Variants in RERE observed in about 807,000 individuals in gnomAD.
RERE encodes arginine-glutamic acid dipeptide repeats, also known as arginine-glutamic acid dipeptide repeats protein.
A neutral mutation model predicts 146.1 loss-of-function variants in RERE; 40 were observed. The observed-to-expected ratio is 0.27, with a 90% CI of 0.21 to 0.36. The LOEUF (loss-of-function observed/expected upper bound fraction) is 0.36, where lower values mean the gene tolerates loss of function less well. Among genes scored for constraint, RERE ranks in the 10% least tolerant of loss-of-function variants. RERE has a pLI of 1.00. For synonymous variants in RERE, 1,003 were observed against 866.0 expected, an observed-to-expected ratio of 1.16 and a Z score of -2.78; for missense variants, 1,933 against 2,138.7, an observed-to-expected ratio of 0.90 and a Z score of 1.90.
chr1:8,444,022 G>A (rs1644286655), intron 11 of RERE, among the ~76,000 whole-genome samples: 1 of 152,230 alleles, frequency 6.6e-6, no homozygotes, highest in Non-Finnish European at 1.5e-5. Flanking sequence ...TCCCCACTGG[G>A]GCACCACCTA....
chr1:8,505,429 T>C (rs1235642896), intron 8 of RERE, among the ~76,000 whole-genome samples: 1 of 152,056 alleles, frequency 6.6e-6, no homozygotes, highest in Non-Finnish European at 1.5e-5. Context: ...ATAAATGAAA[T>C]GGGTTTGACT....
At chr1:8,648,824 A>G (rs865824732) in intron 2 of RERE, among the ~76,000 whole-genome samples, 3 of 152,250 alleles carry the variant, frequency 2.0e-5, no homozygotes, top group African/African-American at 7.2e-5. Flanking sequence ...AAGTAGAAGG[A>G]ACACATATTC....
At chr1:8,667,439 G>T (rs1638602141) in intron 1 of RERE, among the ~76,000 whole-genome samples, 1 of 152,316 alleles carries the variant, frequency 6.6e-6, no homozygotes, top group South Asian at 2.1e-4. Flanking sequence ...TGTTCGGGGG[G>T]CCGAGGCAGG....
chr1:8,713,506 G>A (rs1471149597), intron 1 of RERE, among the ~76,000 whole-genome samples: 1 of 152,098 alleles, frequency 6.6e-6, no homozygotes, highest in Admixed American at 6.5e-5. Flanking sequence ...GGCTGAGGTG[G>A]GCGGATCACC....
Position 8,498,732 on chromosome 1 carries a change from TACAC to T in RERE, c.880-1207_880-1204del, listed in dbSNP as rs1553175300. 7.7e-3 allele frequency among the ~76,000 whole-genome samples: 834 copies of T among 107,800 alleles called. 10 individuals carry two copies. Among genetic ancestry groups the T allele is most frequent in the Admixed American group, 0.013 (120 of 8,932 alleles). The allele number at this position is 107,800 out of a possible 152,430, so 70.7% of individuals were successfully genotyped here. A position where few individuals can be genotyped will look rare whatever the true frequency, so the allele number is the denominator to read the frequency against. The stretch of plus-strand genomic sequence containing the variant: ...AAATAAAAAAAAAAAAATAAATATA[TACAC>T]ACACACACACACACACACACACACA... On this transcript the variant is annotated intron_variant, in intron 8 of 22. Transcript: ENST00000400908.
intron 2 of RERE, among the ~76,000 whole-genome samples, chr1:8,632,281 G>A (rs921381475): frequency 5.3e-5 from 8 of 152,120 alleles, no homozygotes; most frequent in Non-Finnish European, 1.2e-4. Context: ...CAAATTGCTC[G>A]TCTGATCTTC....
At chr1:8,484,275 T>C (rs1248767910) in intron 10 of RERE, among the ~76,000 whole-genome samples, 4 of 152,190 alleles carry the variant, frequency 2.6e-5, no homozygotes, top group Non-Finnish European at 4.4e-5. Flanking sequence ...ACAAATTATA[T>C]GTCAGCTGCA....
chr1:8,492,910 A>T (rs1644996832), intron 10 of RERE, among the ~76,000 whole-genome samples: 1 of 152,006 alleles, frequency 6.6e-6, no homozygotes, highest in Admixed American at 6.6e-5. Flanking sequence ...ATGGTCTCAA[A>T]AACAAAAATT....
At chr1:8,631,705 C>A (rs1647037465) in intron 2 of RERE, among the ~76,000 whole-genome samples, 1 of 152,154 alleles carries the variant, frequency 6.6e-6, no homozygotes, top group South Asian at 2.1e-4. Flanking sequence ...TTGGTTGAGT[C>A]CCTATCATGA....
chr1:8,680,744 C>T (rs553166960), intron 1 of RERE, among the ~76,000 whole-genome samples: 2 of 152,262 alleles, frequency 1.3e-5, no homozygotes, highest in East Asian at 3.9e-4. Flanking sequence ...AATTGTACCT[C>T]CTCAACTCCG....
chr1:8,764,297 T>C (rs187922147), intron 1 of RERE, among the ~76,000 whole-genome samples: 36 of 152,182 alleles, frequency 2.4e-4, no homozygotes, highest in Non-Finnish European at 4.1e-4. Flanking sequence ...TCGCTCTCTA[T>C]AGGATCCCAG....
At chr1:8,735,954 T>C (rs1160016674) in intron 1 of RERE, among the ~76,000 whole-genome samples, 2 of 152,218 alleles carry the variant, frequency 1.3e-5, no homozygotes, top group South Asian at 2.1e-4. Flanking sequence ...CAGACTATTA[T>C]ATTTACCATA....
At chr1:8,493,204 C>A (rs1645000560) in intron 10 of RERE, among the ~76,000 whole-genome samples, 1 of 152,188 alleles carries the variant, frequency 6.6e-6, no homozygotes. Flanking sequence ...CCTACCACAG[C>A]CTCTACTGGG....
At chr1:8,387,699 A>G (rs866293349) in intron 12 of RERE, among the ~76,000 whole-genome samples, 14 of 152,366 alleles carry the variant, frequency 9.2e-5, no homozygotes, top group Middle Eastern at 3.4e-3. Flanking sequence ...GATGCTCAAT[A>G]TGACTGGAAA....
intron 1 of RERE, among the ~76,000 whole-genome samples, chr1:8,746,356 G>A (rs746600324): frequency 7.2e-5 from 11 of 152,040 alleles, no homozygotes; most frequent in Non-Finnish European, 1.3e-4. Context: ...ATCCAGGGTT[G>A]CTCACCATAC....
At chr1:8,467,164 ATGGAG>A (rs1299716576) in intron 10 of RERE, among the ~76,000 whole-genome samples, 1 of 152,228 alleles carries the variant, frequency 6.6e-6, no homozygotes, top group Non-Finnish European at 1.5e-5. Context: ...CCCCGTTCTC[ATGGAG>A]TGGACGTTCT....
At chr1:8,664,485 T>C in intron 1 of RERE, among the ~76,000 whole-genome samples, 1 of 152,188 alleles carries the variant, frequency 6.6e-6, no homozygotes, top group Non-Finnish European at 1.5e-5. Flanking sequence ...TTCAGACACA[T>C]GTGAAAACTG....
chr1:8,396,936 C>T (rs1643076686), intron 12 of RERE, among the ~76,000 whole-genome samples: 2 of 152,232 alleles, frequency 1.3e-5, no homozygotes, highest in South Asian at 4.1e-4. Flanking sequence ...CTCAAAGGAC[C>T]ATGAGAACTA....
chr1:8,540,208 G>T (rs1190814807), intron 7 of RERE, among the ~76,000 whole-genome samples: 1 of 152,104 alleles, frequency 6.6e-6, no homozygotes, highest in Non-Finnish European at 1.5e-5. Context: ...CAATCCTCCT[G>T]CCTCAGCTTC....
Sources: allele counts gnomAD v4.1 joint callset (sites outside exome capture counted in the v4.1 genomes callset), GRCh38; gene constraint gnomAD v4.1.1; transcripts MANE v1.5; gene names NCBI Gene and HGNC (gene_info 2026-07-23, HGNC 2026-07-21).